Variants in LPGAT1 observed in about 807,000 individuals in gnomAD.
LPGAT1 encodes acyl-CoA:lysophosphatidylglycerol acyltransferase 1.
Under a neutral mutation model 47.5 loss-of-function variants are expected in LPGAT1, and 11 were observed. The ratio of observed to expected loss-of-function variants is 0.23; its 90% confidence interval spans 0.15 to 0.38. LPGAT1 has a LOEUF of 0.38. LPGAT1 is among the 10% of genes least tolerant of loss of function. LPGAT1 has a pLI of 1.00. For synonymous variants in LPGAT1, 138 were observed against 144.2 expected (o/e 0.96, Z 0.31); for missense variants, 293 against 439.0 (o/e 0.67, Z 2.97).
At chr1:211,768,965 T>C (rs1248538859) in intron 6 of LPGAT1, among the ~76,000 whole-genome samples, 1 of 152,114 alleles carries the variant, frequency 6.6e-6, no homozygotes, top group Admixed American at 6.5e-5. Context: ...AAAGCCAGTA[T>C]AGACACAGGG....
intron 6 of LPGAT1, among the ~76,000 whole-genome samples, chr1:211,772,256 T>C (rs527890299): frequency 1.3e-5 from 2 of 152,378 alleles, no homozygotes; most frequent in South Asian, 4.1e-4. Context: ...CAAATAAATC[T>C]AGACCTGAAC....
At chr1:211,761,997 T>C (rs1010139507) in intron 6 of LPGAT1, among the ~76,000 whole-genome samples, 5 of 152,310 alleles carry the variant, frequency 3.3e-5, no homozygotes, top group African/African-American at 1.2e-4. Flanking sequence ...TAGCACAGAA[T>C]AGGTACTCTT....
At chr1:211,751,756 AT>A (rs538393544) in intron 6 of LPGAT1, among the ~76,000 whole-genome samples, 1 of 151,932 alleles carries the variant, frequency 6.6e-6, no homozygotes. Context: ...TTAGTGGGGG[AT>A]TTTTTGTCCC....
chr1:211,813,239 T>C (rs1660060415), intron 2 of LPGAT1, among the ~76,000 whole-genome samples: 1 of 152,212 alleles, frequency 6.6e-6, no homozygotes, highest in African/African-American at 2.4e-5. Flanking sequence ...ACTCTACGAA[T>C]GCATTAAAAG....
chr1:211,770,953 T>A lies in LPGAT1; in HGVS notation c.854+7965A>T, dbSNP rs1032992966. Among the ~76,000 whole-genome samples the A allele has an allele frequency of 3.9e-5, 6 of 152,108 alleles. No individual in the cohort carries two copies. The East Asian group carries it at 1.2e-3, about 29-fold the overall frequency. ...CTCTACTAAAAATACAAAAATTACC[T>A]GAGCATGGTGGCACATGCCTATAAT... is the stretch of plus-strand genomic sequence containing the variant. On this transcript the variant is annotated intron_variant, in intron 6 of 7. Transcript: ENST00000366997.
intron 6 of LPGAT1, among the ~76,000 whole-genome samples, chr1:211,776,049 G>T (rs1249774456): frequency 2.2e-5 from 3 of 139,022 alleles, no homozygotes; most frequent in Non-Finnish European, 3.3e-5. Context: ...ATCTATGTTG[G>T]CTCTTTTTTT....
In LPGAT1 at chr1:211,764,505, T is replaced by C. The variant is rs546023745; in HGVS notation, c.855-13438A>G. Among the ~76,000 whole-genome samples, 5 of 152,336 alleles carry C rather than the reference T, an allele frequency of 3.3e-5. No individual in the cohort carries two copies. In the South Asian group the frequency reaches 1.0e-3, roughly 32 times the overall value. ...GAAACTACTTGTTACAAAAAATAGA[T>C]TTATGGACAAAAACAGAAACTGTCA... is the stretch of plus-strand genomic sequence containing the variant. On this transcript the variant is annotated intron_variant, in intron 6 of 7. Coordinates refer to ENST00000366997, the MANE Select transcript of LPGAT1 (RefSeq NM_014873.3).
At chr1:211,827,827 AC>A (rs1309860233) in intron 2 of LPGAT1, among the ~76,000 whole-genome samples, 3 of 152,240 alleles carry the variant, frequency 2.0e-5, no homozygotes, top group Non-Finnish European at 4.4e-5. Context: ...CAAGGAAGCA[AC>A]GCATACACTA....
intron 6 of LPGAT1, among the ~76,000 whole-genome samples, chr1:211,754,932 T>G (rs909794962): frequency 6.7e-6 from 1 of 150,364 alleles, no homozygotes; most frequent in Admixed American, 6.6e-5. Flanking sequence ...GAGAACTGCT[T>G]GAACCCAGGA....
At chr1:211,791,700 T>C (rs1659116453) in intron 3 of LPGAT1, among the ~76,000 whole-genome samples, 1 of 149,984 alleles carries the variant, frequency 6.7e-6, no homozygotes, top group Admixed American at 6.7e-5. Context: ...CAAGCCAAGA[T>C]TGTGCCACTG....
chr1:211,799,210 G>A (rs1202015394), intron 2 of LPGAT1, among the ~76,000 whole-genome samples: 1 of 151,878 alleles, frequency 6.6e-6, no homozygotes, highest in Non-Finnish European at 1.5e-5. Context: ...AGGCTCAAGA[G>A]GTAGCTTTTG....
rs145950041 is a variant in LPGAT1, at chr1:211,778,945, T to G, written c.827A>C (p.Lys276Thr). 4.2e-5 allele frequency: 67 copies of G among 1,607,202 alleles called. No homozygotes were observed. Among genetic ancestry groups the G allele is most frequent in the Non-Finnish European group, 5.6e-5 (66 of 1,177,420 alleles). ...GTAATGTACATGTGTGACTGTTGGTTTCCTGTATCCAAGGATCCAGGTTTG... is the reference window on the plus strand; with the variant it reads ...GTAATGTACATGTGTGACTGTTGGTGTCCTGTATCCAAGGATCCAGGTTTG... The part of the protein sequence containing the change: ...DIQTWILGYR[K>T]PTVTHVHYRI... Residue 276 changes from lysine (K) to threonine (T), a missense_variant, in exon 6 of 8, where the codon AAA becomes ACA. Lys to Thr is a moderately conservative substitution (Grantham distance 78, BLOSUM62 -1). Coordinates refer to ENST00000366997, the MANE Select transcript of LPGAT1 (RefSeq NM_014873.3).
chr1:211,760,404 G>A (rs139676782), intron 6 of LPGAT1, among the ~76,000 whole-genome samples: 12,575 of 152,280 alleles, frequency 0.083, 647 homozygotes, highest in Admixed American at 0.15. Context: ...GCGGTGAGCC[G>A]AGATTGCATC....
At chr1:211,810,420 T>C (rs903383500) in intron 2 of LPGAT1, among the ~76,000 whole-genome samples, 2 of 152,154 alleles carry the variant, frequency 1.3e-5, no homozygotes, top group Non-Finnish European at 2.9e-5. Context: ...GCCTTTCCAG[T>C]CAACAGATGT....
chr1:211,769,603 C>T (rs1414397332), intron 6 of LPGAT1, among the ~76,000 whole-genome samples: 1 of 152,158 alleles, frequency 6.6e-6, no homozygotes, highest in East Asian at 1.9e-4. Context: ...GCCTTGATGG[C>T]TGCTGGCTGC....
At chr1:211,812,195 A>T (rs555722847) in intron 2 of LPGAT1, among the ~76,000 whole-genome samples, 2 of 152,362 alleles carry the variant, frequency 1.3e-5, no homozygotes, top group African/African-American at 4.8e-5. Flanking sequence ...TCCCTACTGC[A>T]GAATGAAGTA....
rs1039011016 is a variant in LPGAT1 at position 211,749,238 on chromosome 1, A to G, written c.*661T>C. 1.3e-5 allele frequency: 2 copies of G among 152,708 alleles called. No homozygotes were observed. Among genetic ancestry groups the G allele is most frequent in the African/African-American group, 4.8e-5 (2 of 41,470 alleles). 9.5% of individuals were successfully genotyped at this position (152,708 alleles called of 1,614,324 possible). On this transcript the variant is annotated 3_prime_UTR_variant, in exon 8 of 8. Coordinates refer to ENST00000366997, the MANE Select transcript of LPGAT1 (RefSeq NM_014873.3). The stretch of plus-strand genomic sequence containing the variant: ...ACAAAATGAGAAGTCAGATAAGGAA[A>G]AGCACGAGTGTATGTAAACACAGTG...
chr1:211,813,258 T>TC (rs1660060879), intron 2 of LPGAT1, among the ~76,000 whole-genome samples: 1 of 152,116 alleles, frequency 6.6e-6, no homozygotes, highest in Middle Eastern at 3.2e-3. Context: ...AGGAAGTGAT[T>TC]CCCAAACAAT....
At chr1:211,783,171 G>C (rs1658712413) in intron 5 of LPGAT1, 58 bp downstream of exon 5, 4 of 1,424,368 alleles carry the variant, frequency 2.8e-6, no homozygotes, top group Non-Finnish European at 3.8e-6. Flanking sequence ...ATCATCTTCT[G>C]TAACTCCAGA....
Sources: gnomAD v4.1 joint callset for allele counts (sites outside exome capture counted in the v4.1 genomes callset) on GRCh38, gnomAD v4.1.1 for gene constraint, MANE v1.5 for transcripts, NCBI Gene and HGNC (gene_info 2026-07-23, HGNC 2026-07-21) for gene names.